The following TBC1D22A variants were observed in gnomAD, a reference collection of about 807,000 sequenced individuals.
The protein encoded by TBC1D22A is TBC1 domain family member 22A.
TBC1D22A carries 38 observed loss-of-function variants against 60.2 expected under a neutral mutation model. The observed-to-expected ratio is 0.63, with a 90% CI of 0.49 to 0.83. TBC1D22A has a LOEUF of 0.83. Among genes scored for constraint, TBC1D22A ranks in the 40% least tolerant of loss-of-function variants. The probability of loss-of-function intolerance (pLI) is 0.00; values close to 1 mark genes in which losing one functional copy is unlikely to be tolerated. For synonymous variants in TBC1D22A, 302 were observed against 281.7 expected (o/e 1.07, Z -0.72); for missense variants, 628 against 701.0 (o/e 0.90, Z 1.18).
intron 10 of TBC1D22A, among the ~76,000 whole-genome samples, chr22:46,999,127 G>A (rs2075222272): frequency 6.6e-6 from 1 of 152,214 alleles, no homozygotes; most frequent in African/African-American, 2.4e-5. Context: ...TTAGAAAGTT[G>A]TGGTTAGTGC....
chr22:46,889,633 G>T (rs1435355760), intron 5 of TBC1D22A, among the ~76,000 whole-genome samples: 1 of 152,206 alleles, frequency 6.6e-6, no homozygotes, highest in African/African-American at 2.4e-5. Flanking sequence ...CAAACTGGTG[G>T]ATCCGTTCAA....
At chr22:46,768,378 G>T (rs915483938) in intron 1 of TBC1D22A, among the ~76,000 whole-genome samples, 97 of 151,212 alleles carry the variant, frequency 6.4e-4, no homozygotes, top group African/African-American at 2.2e-3. Context: ...CCAGCTGCTT[G>T]GGAGGCTGAG....
chr22:46,837,092 TC>T (rs2086557743), intron 4 of TBC1D22A, among the ~76,000 whole-genome samples: 1 of 151,962 alleles, frequency 6.6e-6, no homozygotes, highest in South Asian at 2.1e-4. Flanking sequence ...ACCCCTGGGT[TC>T]CACCCTGGGG....
At chr22:47,063,884 T>G (rs2063669060) in intron 11 of TBC1D22A, among the ~76,000 whole-genome samples, 1 of 152,198 alleles carries the variant, frequency 6.6e-6, no homozygotes, top group Non-Finnish European at 1.5e-5. Flanking sequence ...ATTGTGTGGC[T>G]GTGTCCACGT....
At chr22:46,830,791 T>C (rs917000198) in intron 4 of TBC1D22A, among the ~76,000 whole-genome samples, 1 of 152,234 alleles carries the variant, frequency 6.6e-6, no homozygotes, top group African/African-American at 2.4e-5. Flanking sequence ...CTGGTGCAAG[T>C]GGCCTGGAAA....
At position 46,941,437 on chromosome 22, in the gene TBC1D22A, TAC is replaced by T. The variant is rs1391541151; in HGVS notation, c.1015+29252_1015+29253del. On this transcript the variant is annotated intron_variant, in intron 8 of 12. Coordinates refer to ENST00000337137, the MANE Select transcript of TBC1D22A (RefSeq NM_014346.5). ...ATACGGAATATACACGGAATATATATACACGGAATATATATACGGAATATATA... is the reference window on the plus strand; with the variant it reads ...ATACGGAATATACACGGAATATATATACGGAATATATATACGGAATATATA... Among the ~76,000 whole-genome samples the T allele has an allele frequency of 1.6e-3, 222 of 140,402 alleles. 16 individuals carry two copies. Among genetic ancestry groups the T allele is most frequent in the African/African-American group, 5.3e-3 (203 of 38,254 alleles). 92.1% of individuals were successfully genotyped at this position (140,402 alleles called of 152,430 possible).
chr22:47,082,103 A>C lies in TBC1D22A; in HGVS notation c.1330-29405A>C, dbSNP rs569770850. 3.8e-3 allele frequency among the ~76,000 whole-genome samples: 576 copies of C among 152,334 alleles called. 3 individuals carry two copies. Among genetic ancestry groups the C allele is most frequent in the Non-Finnish European group, 7.3e-3 (500 of 68,034 alleles). On this transcript the variant is annotated intron_variant, in intron 11 of 12. Coordinates refer to ENST00000337137, the MANE Select transcript of TBC1D22A (RefSeq NM_014346.5). ...AACCCAGGAGGTGGAGGTTGCAGTG[A>C]GCCAAGATCACGCCACTGCACTCCA...
intron 5 of TBC1D22A, among the ~76,000 whole-genome samples, chr22:46,890,682 C>T (rs2068348815): frequency 6.6e-6 from 1 of 152,190 alleles, no homozygotes; most frequent in Non-Finnish European, 1.5e-5. Flanking sequence ...TCGTGACCTC[C>T]TTGTGCTGCC....
At chr22:47,067,626 C>T (rs1404240269) in intron 11 of TBC1D22A, among the ~76,000 whole-genome samples, 1 of 152,186 alleles carries the variant, frequency 6.6e-6, no homozygotes, top group Non-Finnish European at 1.5e-5. Flanking sequence ...CCTGTTGTTT[C>T]GGGTTCATCA....
At chr22:46,786,824 G>T (rs1207193104) in intron 1 of TBC1D22A, among the ~76,000 whole-genome samples, 1 of 152,048 alleles carries the variant, frequency 6.6e-6, no homozygotes, top group East Asian at 1.9e-4. Context: ...GAGTAGCTGG[G>T]ACTACAGGTG....
At chr22:47,130,534 G>A (rs534314611) in intron 12 of TBC1D22A, among the ~76,000 whole-genome samples, 1 of 152,210 alleles carries the variant, frequency 6.6e-6, no homozygotes, top group South Asian at 2.1e-4. Context: ...CGCAGGCTTC[G>A]CGGGAATTTG....
intron 8 of TBC1D22A, among the ~76,000 whole-genome samples, chr22:46,937,926 A>T (rs2071754392): frequency 6.6e-6 from 1 of 152,252 alleles, no homozygotes; most frequent in Non-Finnish European, 1.5e-5. Flanking sequence ...ACAGCTGTAC[A>T]ATGTATCTGA....
intron 11 of TBC1D22A, among the ~76,000 whole-genome samples, chr22:47,053,704 A>G (rs950594064): frequency 6.6e-6 from 1 of 152,248 alleles, no homozygotes; most frequent in African/African-American, 2.4e-5. Flanking sequence ...AAACATCATT[A>G]GTAATTTTGC....
intron 11 of TBC1D22A, among the ~76,000 whole-genome samples, chr22:47,043,669 A>T (rs1201019256): frequency 6.6e-6 from 1 of 152,054 alleles, no homozygotes; most frequent in Non-Finnish European, 1.5e-5. Flanking sequence ...GCTGAGTTGC[A>T]GCTGAACAGG....
At chr22:47,162,682 C>T (rs566376585) in intron 12 of TBC1D22A, among the ~76,000 whole-genome samples, 618 of 47,426 alleles carry the variant, frequency 0.013, 44 homozygotes, top group African/African-American at 0.041. Flanking sequence ...CAGGGAGAGT[C>T]GTGGGAATGG....
chr22:47,096,692 C>T (rs973630879), intron 11 of TBC1D22A, among the ~76,000 whole-genome samples: 1 of 152,096 alleles, frequency 6.6e-6, no homozygotes, highest in Non-Finnish European at 1.5e-5. Context: ...TGTAGTGGCG[C>T]ATGCCTGTAA....
chr22:47,162,207 T>G (rs1204976589), intron 12 of TBC1D22A, among the ~76,000 whole-genome samples: 2 of 152,150 alleles, frequency 1.3e-5, no homozygotes, highest in Non-Finnish European at 2.9e-5. Context: ...GAAAGGTTTT[T>G]TTTTTTTTTT....
At chr22:47,036,839 T>C (rs1424863066) in intron 10 of TBC1D22A, among the ~76,000 whole-genome samples, 1 of 152,232 alleles carries the variant, frequency 6.6e-6, no homozygotes, top group Non-Finnish European at 1.5e-5. Context: ...TGTCCATGAT[T>C]ATAATCATCA....
chr22:47,054,932 G>A (rs560983785), intron 11 of TBC1D22A, among the ~76,000 whole-genome samples: 6 of 152,324 alleles, frequency 3.9e-5, no homozygotes, highest in Admixed American at 6.5e-5. Flanking sequence ...CTTAAAGCAC[G>A]GGCTGGGACT....
Sources: gnomAD v4.1 joint callset for allele counts (sites outside exome capture counted in the v4.1 genomes callset) on GRCh38, gnomAD v4.1.1 for gene constraint, MANE v1.5 for transcripts, NCBI Gene and HGNC (gene_info 2026-07-23, HGNC 2026-07-21) for gene names.